Variants in TLN2 observed in about 807,000 individuals in gnomAD.
TLN2 encodes talin-2.
Under a neutral mutation model 294.7 loss-of-function variants are expected in TLN2, and 118 were observed. That is an observed-to-expected ratio of 0.40 (90% CI 0.34 to 0.47). The LOEUF (loss-of-function observed/expected upper bound fraction) is 0.47, where lower values mean the gene tolerates loss of function less well. TLN2 is among the 20% of genes least tolerant of loss of function. The probability of loss-of-function intolerance (pLI) is 0.84; values close to 1 mark genes in which losing one functional copy is unlikely to be tolerated. For synonymous variants in TLN2, 1,431 were observed against 1,304.5 expected (o/e 1.10, Z -2.09); for missense variants, 3,083 against 3,282.2 (o/e 0.94, Z 1.48).
intron 45 of TLN2, among the ~76,000 whole-genome samples, chr15:62,787,109 T>A (rs764909535): frequency 2.0e-5 from 3 of 152,156 alleles, no homozygotes; most frequent in African/African-American, 4.8e-5. Flanking sequence ...TTGCCCAGGC[T>A]GGTCTCAACC....
At chr15:62,679,061 A>C (rs533900197) in intron 11 of TLN2, among the ~76,000 whole-genome samples, 229 of 151,370 alleles carry the variant, frequency 1.5e-3, no homozygotes, top group Non-Finnish European at 2.7e-3. Flanking sequence ...TTTTACTTGG[A>C]AATTATTACA....
intron 28 of TLN2, among the ~76,000 whole-genome samples, chr15:62,732,896 G>A (rs367941606): frequency 2.2e-4 from 34 of 152,236 alleles, no homozygotes; most frequent in African/African-American, 7.7e-4. Context: ...TGCTGGGTTC[G>A]GCACTAGATA....
At chr15:62,615,284 T>TA (rs1398072877) in intron 2 of TLN2, among the ~76,000 whole-genome samples, 1 of 152,238 alleles carries the variant, frequency 6.6e-6, no homozygotes, top group East Asian at 1.9e-4. Context: ...TATTGAGTTT[T>TA]CATAGGAACA....
chr15:62,641,715 A>T (rs531860005), intron 3 of TLN2, among the ~76,000 whole-genome samples: 3 of 152,270 alleles, frequency 2.0e-5, no homozygotes, highest in South Asian at 2.1e-4. Flanking sequence ...GCGATCTTAT[A>T]GGTAGATCTG....
chr15:62,760,321 A>G (rs1046869607), intron 37 of TLN2, among the ~76,000 whole-genome samples: 1 of 152,206 alleles, frequency 6.6e-6, no homozygotes, highest in Non-Finnish European at 1.5e-5. Context: ...ATTGGAATGT[A>G]GTTGTTATTC....
intron 1 of TLN2, among the ~76,000 whole-genome samples, chr15:62,522,185 T>C (rs929198170): frequency 1.3e-5 from 2 of 152,140 alleles, no homozygotes; most frequent in African/African-American, 4.8e-5. Flanking sequence ...GGTTGACGCT[T>C]AGCTCTTTGA....
At chr15:62,624,964 T>G (rs1408646406) in intron 3 of TLN2, among the ~76,000 whole-genome samples, 1 of 152,210 alleles carries the variant, frequency 6.6e-6, no homozygotes, top group East Asian at 1.9e-4. Flanking sequence ...ACCAATAATG[T>G]CTTAGATTGC....
chr15:62,745,831 C>T (rs554063003), intron 32 of TLN2, among the ~76,000 whole-genome samples: 10 of 152,290 alleles, frequency 6.6e-5, no homozygotes, highest in Admixed American at 2.0e-4. Flanking sequence ...CCACTTAGCA[C>T]GTATTTAGCA....
chr15:62,486,764 A>C (rs974682307), intron 1 of TLN2, among the ~76,000 whole-genome samples: 80 of 149,366 alleles, frequency 5.4e-4, no homozygotes, highest in African/African-American at 1.9e-3. Flanking sequence ...TAAAATCAGG[A>C]GTTTAAAGAG....
chr15:62,638,840 G>A (rs560350597), intron 3 of TLN2, among the ~76,000 whole-genome samples: 1 of 152,114 alleles, frequency 6.6e-6, no homozygotes, highest in Non-Finnish European at 1.5e-5. Flanking sequence ...ATTTCTGACT[G>A]ATGTGGCATT....
At chr15:62,823,476 C>T (rs574608486) in intron 54 of TLN2, among the ~76,000 whole-genome samples, 1 of 152,300 alleles carries the variant, frequency 6.6e-6, no homozygotes, top group South Asian at 2.1e-4. Context: ...TTGCTTATTA[C>T]ATCCCTATAA....
chr15:62,780,203 T>G (rs1467907994), intron 43 of TLN2, among the ~76,000 whole-genome samples: 5 of 152,240 alleles, frequency 3.3e-5, no homozygotes, highest in African/African-American at 1.2e-4. Flanking sequence ...TTCTGTTCAC[T>G]TTGTCTCTTC....
intron 54 of TLN2, among the ~76,000 whole-genome samples, chr15:62,825,339 A>G (rs1459844827): frequency 1.3e-5 from 2 of 152,228 alleles, no homozygotes; most frequent in Non-Finnish European, 2.9e-5. Flanking sequence ...AAGGACCTGC[A>G]GACGAAGCCC....
At chr15:62,558,890 G>GA (rs1322436836) in intron 1 of TLN2, among the ~76,000 whole-genome samples, 3 of 152,212 alleles carry the variant, frequency 2.0e-5, no homozygotes, top group African/African-American at 7.2e-5. Flanking sequence ...CCTGATAAAA[G>GA]AGGGGGCAGG....
chr15:62,452,127 A>G (rs1051943740), intron 1 of TLN2, among the ~76,000 whole-genome samples: 4 of 126,360 alleles, frequency 3.2e-5, no homozygotes, highest in South Asian at 3.4e-4. Context: ...GGGTGATGCC[A>G]AGGCCCTTGG....
chr15:62,715,848 C>G (rs966193107), intron 22 of TLN2, among the ~76,000 whole-genome samples: 2 of 152,118 alleles, frequency 1.3e-5, no homozygotes, highest in African/African-American at 4.8e-5. Flanking sequence ...CTGAGCCCTC[C>G]CTCCATCCTT....
chr15:62,704,552 C>T (rs77921211), intron 19 of TLN2, among the ~76,000 whole-genome samples: 1,923 of 152,286 alleles, frequency 0.013, 44 homozygotes, highest in African/African-American at 0.044. Context: ...CCTTCACTCT[C>T]CACATGCCTG....
In TLN2 at chr15:62,413,143, T is replaced by G. The variant is rs1374663249; in HGVS notation, c.-238+22458T>G. Among the ~76,000 whole-genome samples the G allele has an allele frequency of 3.3e-5, 5 of 152,198 alleles. No individual in the cohort carries two copies. The South Asian group carries it at 1.0e-3, about 32-fold the overall frequency. On this transcript the variant is annotated intron_variant, in intron 1 of 58. Transcript: ENST00000636159. The stretch of plus-strand genomic sequence containing the variant: ...TGGAAAAGGGAAAGTCATTATAAGT[T>G]CATCAACACTTGAATTGTGTTGCTA...
At chr15:62,625,438 T>C (rs4473129) in intron 3 of TLN2, among the ~76,000 whole-genome samples, 32,471 of 151,976 alleles carry the variant, frequency 0.21, 4,470 homozygotes, top group East Asian at 0.54. Flanking sequence ...ATCCTTGTAA[T>C]TGAATTAAAG....
Sources: allele counts gnomAD v4.1 joint callset (sites outside exome capture counted in the v4.1 genomes callset), GRCh38; gene constraint gnomAD v4.1.1; transcripts MANE v1.5; gene names NCBI Gene and HGNC (gene_info 2026-07-23, HGNC 2026-07-21).